Variants in DLG2 observed in about 807,000 individuals in gnomAD.
DLG2 encodes the protein disks large homolog 2.
In DLG2, 45 loss-of-function variants were observed where a neutral mutation model predicts 132.5. The observed-to-expected ratio is 0.34, with a 90% CI of 0.27 to 0.44. The LOEUF (loss-of-function observed/expected upper bound fraction) is 0.44. DLG2 is among the 20% of genes least tolerant of loss of function. The pLI is 1.00. For missense variants in DLG2, 1,045 were observed against 1,196.9 expected (o/e 0.87, Z 1.87); for synonymous variants, 424 against 419.6 (o/e 1.01, Z -0.13).
intron 7 of DLG2, among the ~76,000 whole-genome samples, chr11:84,424,948 G>A (rs1656234778): frequency 6.6e-6 from 1 of 151,906 alleles, no homozygotes; most frequent in Non-Finnish European, 1.5e-5. Flanking sequence ...GGAAAAACTG[G>A]CATATTGTTT....
intron 7 of DLG2, among the ~76,000 whole-genome samples, chr11:84,336,848 A>G (rs2098487077): frequency 6.6e-6 from 1 of 152,164 alleles, no homozygotes; most frequent in Non-Finnish European, 1.5e-5. Context: ...GCTGAGTGGA[A>G]TCTCTACAAA....
intron 18 of DLG2, among the ~76,000 whole-genome samples, chr11:83,710,447 C>T (rs895202283): frequency 5.3e-5 from 8 of 152,140 alleles, no homozygotes; most frequent in African/African-American, 1.9e-4. Context: ...TAGGCATGAG[C>T]CACCTTGCCT....
At chr11:83,588,311 A>C (rs2097128042) in intron 19 of DLG2, among the ~76,000 whole-genome samples, 1 of 150,516 alleles carries the variant, frequency 6.6e-6, no homozygotes, top group Non-Finnish European at 1.5e-5. Context: ...TGCCTCCTCA[A>C]GTGGGTCTCT....
At chr11:84,181,319 A>G (rs2096120707) in intron 8 of DLG2, among the ~76,000 whole-genome samples, 1 of 151,908 alleles carries the variant, frequency 6.6e-6, no homozygotes, top group South Asian at 2.1e-4. Flanking sequence ...TGCAAATTCT[A>G]TGGCAACCAT....
chr11:84,586,018 G>A (rs1193700603), intron 6 of DLG2, among the ~76,000 whole-genome samples: 1 of 152,148 alleles, frequency 6.6e-6, no homozygotes, highest in Non-Finnish European at 1.5e-5. Flanking sequence ...GGGCATGATG[G>A]TGCATGCCTG....
At chr11:84,818,473 T>C (rs1270210065) in intron 6 of DLG2, among the ~76,000 whole-genome samples, 1 of 151,626 alleles carries the variant, frequency 6.6e-6, no homozygotes, top group Non-Finnish European at 1.5e-5. Flanking sequence ...TTATATTTAT[T>C]TTCCATTAAC....
intron 6 of DLG2, among the ~76,000 whole-genome samples, chr11:84,619,023 A>T (rs976753899): frequency 5.9e-5 from 9 of 152,034 alleles, no homozygotes; most frequent in African/African-American, 2.2e-4. Context: ...TGAAAAATGT[A>T]AACAATTAAT....
At chr11:83,636,307 A>C (rs2153466640) in intron 18 of DLG2, among the ~76,000 whole-genome samples, 1 of 152,194 alleles carries the variant, frequency 6.6e-6, no homozygotes, top group Non-Finnish European at 1.5e-5. Context: ...TCTTCTTGGA[A>C]CTTCCTTTTC....
At position 85,103,123 on chromosome 11, in the gene DLG2, T is replaced by G. The variant is rs1012984619; in HGVS notation, c.357+8538A>C. Among the ~76,000 whole-genome samples, 17 of 152,008 alleles carry G rather than the reference T, an allele frequency of 1.1e-4. No homozygotes were observed. The East Asian group carries it at 3.3e-3, about 29-fold the overall frequency. ...CATTGTAGAAAAATTTAAAGAAGAC[T>G]CTAATAAATGGAAGGACATTCATGG... On this transcript the variant is annotated intron_variant, in intron 6 of 27. Coordinates refer to ENST00000376104, the MANE Select transcript of DLG2 (RefSeq NM_001142699.3).
intron 6 of DLG2, among the ~76,000 whole-genome samples, chr11:84,738,974 A>G (rs1267796060): frequency 6.6e-6 from 1 of 152,172 alleles, no homozygotes; most frequent in African/African-American, 2.4e-5. Flanking sequence ...TTACATGGAA[A>G]TATATAAAAT....
chr11:85,151,925 T>C (rs970444396), intron 5 of DLG2, among the ~76,000 whole-genome samples: 7 of 152,188 alleles, frequency 4.6e-5, no homozygotes, highest in Non-Finnish European at 1.0e-4. Flanking sequence ...AATGTAAACA[T>C]ATAGAGACAA....
intron 3 of DLG2, among the ~76,000 whole-genome samples, chr11:85,578,778 T>C (rs1217913021): frequency 6.6e-6 from 1 of 152,176 alleles, no homozygotes; most frequent in East Asian, 1.9e-4. Context: ...TATACACTAT[T>C]AGTGGGAGTG....
intron 7 of DLG2, among the ~76,000 whole-genome samples, chr11:84,524,575 T>C (rs2099314397): frequency 6.6e-6 from 1 of 152,194 alleles, no homozygotes; most frequent in Admixed American, 6.5e-5. Context: ...ACTAAGAGCT[T>C]CTAATTTAGC....
chr11:84,692,201 T>A (rs892804027), intron 6 of DLG2, among the ~76,000 whole-genome samples: 6 of 151,682 alleles, frequency 4.0e-5, no homozygotes, highest in African/African-American at 1.5e-4. Context: ...CATTTAGATA[T>A]CCAAAAAGAA....
intron 19 of DLG2, 69 bp downstream of exon 19, chr11:83,633,142 G>T: frequency 7.3e-7 from 1 of 1,370,964 alleles, no homozygotes. Context: ...GTTGCTACAT[G>T]GTGTTGCCTT....
chr11:84,096,749 T>C (rs1031468057), intron 10 of DLG2, among the ~76,000 whole-genome samples: 1 of 152,206 alleles, frequency 6.6e-6, no homozygotes, highest in Admixed American at 6.5e-5. Context: ...CTCATAGAAT[T>C]ACACAGCATC....
At chr11:83,719,896 G>A (rs563604823) in intron 18 of DLG2, among the ~76,000 whole-genome samples, 4 of 152,186 alleles carry the variant, frequency 2.6e-5, no homozygotes, top group East Asian at 1.9e-4. Flanking sequence ...CTTTGTTCCC[G>A]ACAAACAGAC....
intron 3 of DLG2, among the ~76,000 whole-genome samples, chr11:85,320,236 A>G (rs1187369891): frequency 1.3e-5 from 2 of 152,066 alleles, no homozygotes; most frequent in East Asian, 3.9e-4. Context: ...AGGGATAGAA[A>G]GGTCCTTAGA....
intron 7 of DLG2, among the ~76,000 whole-genome samples, chr11:84,490,176 C>T (rs1263606698): frequency 6.6e-6 from 1 of 152,096 alleles, no homozygotes. Context: ...TCAGCTTTCT[C>T]ATCTGTAAAA....
Sources: allele counts gnomAD v4.1 joint callset (sites outside exome capture counted in the v4.1 genomes callset), GRCh38; gene constraint gnomAD v4.1.1; transcripts MANE v1.5; gene names NCBI Gene and HGNC (gene_info 2026-07-23, HGNC 2026-07-21).